BTNL8: variants seen among roughly 807,000 people sequenced by gnomAD.
BTNL8 encodes butyrophilin like 8.
A neutral mutation model predicts 36.1 loss-of-function variants in BTNL8; 22 were observed. The observed-to-expected ratio is 0.61, with a 90% CI of 0.44 to 0.87. The LOEUF is 0.87. Ranked by LOEUF, BTNL8 falls within the 40% of genes least tolerant of loss-of-function variation. The probability of loss-of-function intolerance (pLI) is 0.00; values close to 1 mark genes in which losing one functional copy is unlikely to be tolerated. For missense variants in BTNL8, 526 were observed against 616.9 expected, an observed-to-expected ratio of 0.85 and a Z score of 1.56; for synonymous variants, 203 against 235.6, an observed-to-expected ratio of 0.86 and a Z score of 1.27.
At chr5:180,928,338 TA>T (rs1157808088) in intron 3 of BTNL8, among the ~76,000 whole-genome samples, 4 of 152,140 alleles carry the variant, frequency 2.6e-5, no homozygotes, top group Non-Finnish European at 5.9e-5. Context: ...GAGAAAGCAC[TA>T]AATATGGAAA....
chr5:180,907,805 G>C (rs1051296322), intron 1 of BTNL8, among the ~76,000 whole-genome samples: 4 of 151,658 alleles, frequency 2.6e-5, no homozygotes, highest in Non-Finnish European at 5.9e-5. Context: ...GCCCCTGCTG[G>C]GGGGTGCCTC....
chr5:180,908,570 G>C lies in BTNL8; in HGVS notation c.50-16G>C. The C allele has an allele frequency of 1.9e-6, 3 of 1,610,554 alleles. No homozygotes were observed. The highest frequency in any genetic ancestry group is 2.5e-6 in the Non-Finnish European group (3 of 1,177,668). The stretch of plus-strand genomic sequence containing the variant: ...AAAGGGTTTTGATGATTTATCTTTT[G>C]TATGTCTTCCCACAGGGCAGTGGCA... On this transcript the variant is annotated splice_polypyrimidine_tract_variant and intron_variant, in intron 1 of 7. Coordinates refer to ENST00000340184, the MANE Select transcript of BTNL8 (RefSeq NM_001040462.3).
chr5:180,940,516 A>G (rs1242057135), intron 3 of BTNL8, among the ~76,000 whole-genome samples: 5 of 152,136 alleles, frequency 3.3e-5, no homozygotes, highest in South Asian at 2.1e-4. Flanking sequence ...AGAAGAAACA[A>G]AGCCCAAATT....
In BTNL8 at chr5:180,948,271, G is replaced by A. The variant is rs372868766; in HGVS notation, c.788-84G>A. ...GCCCTGCCCTTCACACCTGCAGCTCGTCCCACCTGTGCAAGGAGCCAGCGT... is the reference window on the plus strand; with the variant it reads ...GCCCTGCCCTTCACACCTGCAGCTCATCCCACCTGTGCAAGGAGCCAGCGT... On this transcript the variant is annotated intron_variant, in intron 4 of 7. Transcript: ENST00000340184. 1.6e-5 allele frequency: 23 copies of A among 1,460,130 alleles called. 3 individuals are homozygous for A. The highest frequency in any genetic ancestry group is 2.0e-5 in the Non-Finnish European group (21 of 1,054,888). The allele number at this position is 1,460,130 out of a possible 1,614,324, so 90.4% of individuals were successfully genotyped here.
chr5:180,931,713 A>T (rs1017212117), intron 3 of BTNL8, among the ~76,000 whole-genome samples: 1 of 152,240 alleles, frequency 6.6e-6, no homozygotes, highest in Non-Finnish European at 1.5e-5. Context: ...AAAAAAGCTC[A>T]TCATCACTGG....
At chr5:180,902,224 A>C (rs2113759898) in intron 1 of BTNL8, 1 of 807,906 alleles carries the variant, frequency 1.2e-6, no homozygotes, top group Non-Finnish European at 1.9e-6. Flanking sequence ...CAGATGGGAG[A>C]GAATGTGGCA....
chr5:180,947,909 C>G (rs1041356712), intron 4 of BTNL8: 15 of 1,079,062 alleles, frequency 1.4e-5, no homozygotes, highest in Non-Finnish European at 2.0e-5. Flanking sequence ...TGAACACCAC[C>G]AAGACTCCTA....
Position 180,908,483 on chromosome 5 carries a change from C to A in BTNL8, c.50-103C>A. ...AATCACCCATGTTCTGCGTCGCTCA[C>A]TCTGGGAGCTGTAGACCGGAGCTGT... On this transcript the variant is annotated intron_variant, in intron 1 of 7. Transcript: ENST00000340184. 3 of 1,138,070 alleles carry A rather than the reference C, an allele frequency of 2.6e-6. No homozygotes were observed. The South Asian group carries it at 4.5e-5, about 17-fold the overall frequency. The allele number at this position is 1,138,070 out of a possible 1,614,324, so 70.5% of individuals were successfully genotyped here. A position where few individuals can be genotyped will look rare whatever the true frequency, so the allele number is the denominator to read the frequency against.
intron 3 of BTNL8, among the ~76,000 whole-genome samples, chr5:180,930,608 A>G (rs150958069): frequency 0.023 from 3,546 of 152,336 alleles, 59 homozygotes; most frequent in Non-Finnish European, 0.035. Context: ...CAACTTTAGC[A>G]AAGTCTCGGG....
intron 4 of BTNL8, 74 bp downstream of exon 4, chr5:180,947,699 A>T: frequency 6.2e-7 from 1 of 1,614,224 alleles, no homozygotes. Flanking sequence ...AGATGCTCCC[A>T]CATCCAGCTG....
At chr5:180,946,745 GA>G (rs546556114) in intron 3 of BTNL8, among the ~76,000 whole-genome samples, 12 of 152,278 alleles carry the variant, frequency 7.9e-5, no homozygotes, top group Admixed American at 7.8e-4. Flanking sequence ...CAGAATAACA[GA>G]AAGAATAAAA....
chr5:180,908,790 C>T lies in BTNL8; in HGVS notation c.254C>T (p.Thr85Ile). ...CAGATGCCACAGTATCAAGGCAGGA[C>T]AAAACTGGTGAAGGATTCTATTGCG... is the stretch of plus-strand genomic sequence containing the variant. Reference protein sequence around the residue: ...FMQMPQYQGRTKLVKDSIAEG... With the variant: ...FMQMPQYQGRIKLVKDSIAEG... The change falls in exon 2 of 8, where the codon ACA becomes ATA. Residue 85 changes from threonine to isoleucine, a missense_variant. Physicochemically the swap from Thr to Ile is moderately conservative, Grantham distance 89. Transcript: ENST00000340184. 1 of 1,614,120 alleles carries T rather than the reference C, an allele frequency of 6.2e-7. No homozygotes were observed. Among genetic ancestry groups the T allele is most frequent in the Non-Finnish European group, 8.5e-7 (1 of 1,180,018 alleles).
At chr5:180,931,486 G>T (rs2113831960) in intron 3 of BTNL8, among the ~76,000 whole-genome samples, 1 of 152,228 alleles carries the variant, frequency 6.6e-6, no homozygotes, top group African/African-American at 2.4e-5. Flanking sequence ...AAGAGCTTCT[G>T]CACAGCAAAA....
chr5:180,920,273 G>C (rs547274611), intron 3 of BTNL8, among the ~76,000 whole-genome samples: 35 of 152,192 alleles, frequency 2.3e-4, no homozygotes, highest in South Asian at 1.7e-3. Context: ...ACAGAATTAA[G>C]AGCCAAGAAA....
At chr5:180,941,086 A>G (rs1758913313) in intron 3 of BTNL8, among the ~76,000 whole-genome samples, 3 of 127,214 alleles carry the variant, frequency 2.4e-5, no homozygotes, top group African/African-American at 8.9e-5. Flanking sequence ...AAAGAGGTGG[A>G]AGGGAGGGAG....
rs1026775293 is a variant in BTNL8, at chr5:180,949,671, G to A, written c.863-233G>A. 25 of 578,270 alleles carry A rather than the reference G, an allele frequency of 4.3e-5. 4 individuals are homozygous for A. The highest frequency in any genetic ancestry group is 4.0e-4 in the African/African-American group (21 of 52,954). The allele number at this position is 578,270 out of a possible 1,614,324, so 35.8% of individuals were successfully genotyped here. On this transcript the variant is annotated intron_variant, in intron 7 of 7. Transcript: ENST00000340184. ...TGTATGAAGGGACAGTGGCAGGGTTGGGTGATATGCCGAGATTGGGACGTC... is the reference window on the plus strand; with the variant it reads ...TGTATGAAGGGACAGTGGCAGGGTTAGGTGATATGCCGAGATTGGGACGTC...
At chr5:180,902,089 C>T (rs957205410) in intron 1 of BTNL8, among the ~76,000 whole-genome samples, 5 of 152,054 alleles carry the variant, frequency 3.3e-5, no homozygotes, top group Admixed American at 1.3e-4. Flanking sequence ...AACGAATTGC[C>T]GCAAACTGGA....
In BTNL8 at chr5:180,908,779, T is replaced by TCTGTCCTG; in HGVS notation, c.244_245insTGTCCTGC (p.Gln82LeufsTer10). 2 of 1,614,140 alleles carry TCTGTCCTG rather than the reference T, an allele frequency of 1.2e-6. No individual in the cohort carries two copies. Among genetic ancestry groups the TCTGTCCTG allele is most frequent in the Non-Finnish European group, 1.7e-6 (2 of 1,180,030 alleles). ...AGCCATTTATGCAGATGCCACAGTATCAAGGCAGGACAAAACTGGTGAAGG... is the reference window on the plus strand; with the variant it reads ...AGCCATTTATGCAGATGCCACAGTATCTGTCCTGCAAGGCAGGACAAAACTGGTGAAGG... On this transcript the variant is annotated frameshift_variant, in exon 2 of 8. Transcript: ENST00000340184. LOFTEE classifies it high-confidence loss of function.
chr5:180,902,364 T>G (rs1285033851), intron 1 of BTNL8: 4 of 1,551,068 alleles, frequency 2.6e-6, no homozygotes, highest in Non-Finnish European at 3.5e-6. Flanking sequence ...CAAGATCGAA[T>G]GAAGTAACTG....
Sources: gnomAD v4.1 joint callset for allele counts (sites outside exome capture counted in the v4.1 genomes callset) on GRCh38, gnomAD v4.1.1 for gene constraint, MANE v1.5 for transcripts, NCBI Gene and HGNC (gene_info 2026-07-23, HGNC 2026-07-21) for gene names.